AP3B1: variants seen among roughly 807,000 people sequenced by gnomAD.
The protein encoded by AP3B1 is adaptor related protein complex 3 subunit beta 1.
AP3B1 carries 61 observed loss-of-function variants against 132.5 expected under a neutral mutation model. That is an observed-to-expected ratio of 0.46 (90% CI 0.37 to 0.57). The LOEUF is 0.57. Among genes scored for constraint, AP3B1 ranks in the 20% least tolerant of loss-of-function variants. AP3B1 has a pLI of 0.00. For missense variants in AP3B1, 1,120 were observed against 1,289.4 expected, an observed-to-expected ratio of 0.87 and a Z score of 2.01; for synonymous variants, 388 against 438.3, an observed-to-expected ratio of 0.89 and a Z score of 1.43.
intron 11 of AP3B1, among the ~76,000 whole-genome samples, chr5:78,174,445 G>A (rs111291820): frequency 0.014 from 2,191 of 152,222 alleles, 58 homozygotes; most frequent in African/African-American, 0.05. Context: ...AGTCAGGTTC[G>A]TCAGCTGCAG....
At chr5:78,046,346 C>T (rs1414372371) in intron 22 of AP3B1, among the ~76,000 whole-genome samples, 3 of 152,162 alleles carry the variant, frequency 2.0e-5, no homozygotes, top group Non-Finnish European at 4.4e-5. Flanking sequence ...GGCAGCACGC[C>T]CCTTATGAGC....
chr5:78,179,466 C>T (rs1391712568), intron 8 of AP3B1, among the ~76,000 whole-genome samples: 1 of 152,118 alleles, frequency 6.6e-6, no homozygotes, highest in African/African-American at 2.4e-5. Context: ...CGCTTTGATA[C>T]CCAGATTTGA....
chr5:78,244,021 T>C (rs1419114215), intron 2 of AP3B1, among the ~76,000 whole-genome samples: 1 of 152,204 alleles, frequency 6.6e-6, no homozygotes, highest in African/African-American at 2.4e-5. Flanking sequence ...ACAGCAATTA[T>C]GCAGAGGAAA....
At chr5:78,195,578 G>A (rs960210282) in intron 7 of AP3B1, among the ~76,000 whole-genome samples, 25 of 152,194 alleles carry the variant, frequency 1.6e-4, no homozygotes, top group Non-Finnish European at 2.9e-5. Context: ...CCAGAACTTT[G>A]GGAAGCTGAG....
intron 7 of AP3B1, among the ~76,000 whole-genome samples, chr5:78,192,934 C>T (rs1455986127): frequency 6.6e-6 from 1 of 152,310 alleles, no homozygotes; most frequent in East Asian, 1.9e-4. Flanking sequence ...TGTTGTTTAA[C>T]TCATCCAATC....
intron 2 of AP3B1, among the ~76,000 whole-genome samples, chr5:78,256,708 C>T (rs947310900): frequency 5.3e-5 from 8 of 152,014 alleles, no homozygotes; most frequent in African/African-American, 1.9e-4. Flanking sequence ...GACAAAGACA[C>T]ATCAAGGAAA....
chr5:78,071,718 G>A (rs918979313), intron 22 of AP3B1, among the ~76,000 whole-genome samples: 1 of 151,978 alleles, frequency 6.6e-6, no homozygotes, highest in African/African-American at 2.4e-5. Flanking sequence ...ATTAAGCACT[G>A]GGAATAAAAA....
At chr5:78,179,499 C>T (rs1019084415) in intron 8 of AP3B1, among the ~76,000 whole-genome samples, 2 of 152,084 alleles carry the variant, frequency 1.3e-5, no homozygotes, top group East Asian at 1.9e-4. Context: ...AATTTGTAAA[C>T]GCCATGAAAA....
At chr5:78,119,348 T>C (rs966842176) in intron 17 of AP3B1, among the ~76,000 whole-genome samples, 1 of 152,134 alleles carries the variant, frequency 6.6e-6, no homozygotes, top group African/African-American at 2.4e-5. Flanking sequence ...GAGAATGACG[T>C]TGACGAGCTG....
At chr5:78,168,234 T>A (rs1046047964) in intron 11 of AP3B1, among the ~76,000 whole-genome samples, 22 of 138,358 alleles carry the variant, frequency 1.6e-4, no homozygotes, top group African/African-American at 5.8e-4. Context: ...TTCTTTTTTT[T>A]TTTTTTTGAG....
At chr5:78,159,255 A>G (rs1207239479) in intron 13 of AP3B1, among the ~76,000 whole-genome samples, 1 of 152,228 alleles carries the variant, frequency 6.6e-6, no homozygotes, top group East Asian at 1.9e-4. Context: ...ATTATCTACA[A>G]GCAGACGCAG....
intron 22 of AP3B1, among the ~76,000 whole-genome samples, chr5:78,080,807 G>C (rs1749966389): frequency 6.6e-6 from 1 of 151,930 alleles, no homozygotes; most frequent in Admixed American, 6.6e-5. Flanking sequence ...ATTTAAACTA[G>C]GTTAATACAA....
intron 7 of AP3B1, among the ~76,000 whole-genome samples, chr5:78,193,766 A>AT (rs1379149753): frequency 7.1e-5 from 7 of 98,324 alleles, no homozygotes; most frequent in African/African-American, 2.7e-4. Flanking sequence ...ATATATATAT[A>AT]TATATTTTTT....
rs1420614662 is a variant in AP3B1 at position 78,086,853 on chromosome 5, T to TC, written c.2577+2539_2577+2540insG. Among the ~76,000 whole-genome samples the TC allele has an allele frequency of 8.5e-5, 13 of 152,310 alleles. No homozygotes were observed. In the East Asian group the frequency reaches 2.5e-3, roughly 29 times the overall value. ...TCATATAAAATACGAAGTTTTTTTT[T>TC]TCTTTGGCAAGATTTTAACAGGCTC... On this transcript the variant is annotated intron_variant, in intron 22 of 26. Coordinates refer to ENST00000255194, the MANE Select transcript of AP3B1 (RefSeq NM_003664.5).
intron 22 of AP3B1, among the ~76,000 whole-genome samples, chr5:78,078,407 CA>C (rs1408899831): frequency 6.6e-6 from 1 of 152,210 alleles, no homozygotes; most frequent in Non-Finnish European, 1.5e-5. Flanking sequence ...CTAAAATCTT[CA>C]GAACTCCTTT....
chr5:78,266,690 T>C (rs1748336216), intron 2 of AP3B1, among the ~76,000 whole-genome samples: 3 of 152,096 alleles, frequency 2.0e-5, no homozygotes, highest in Admixed American at 2.0e-4. Flanking sequence ...GCAATGGTGG[T>C]GATAAAAAGG....
chr5:78,021,417 C>T (rs1416977348), intron 24 of AP3B1, among the ~76,000 whole-genome samples: 1 of 152,008 alleles, frequency 6.6e-6, no homozygotes, highest in Non-Finnish European at 1.5e-5. Context: ...GAAAGCCAAC[C>T]TTGTTTGTTC....
intron 2 of AP3B1, among the ~76,000 whole-genome samples, chr5:78,263,223 C>G (rs1748171292): frequency 6.6e-6 from 1 of 152,040 alleles, no homozygotes; most frequent in Admixed American, 6.6e-5. Flanking sequence ...TCTTTCATCT[C>G]CTTGGTTAAG....
At chr5:78,053,617 T>C (rs1422782210) in intron 22 of AP3B1, among the ~76,000 whole-genome samples, 3 of 148,048 alleles carry the variant, frequency 2.0e-5, no homozygotes, top group African/African-American at 7.5e-5. Context: ...GAGGCGGAGG[T>C]TACAGTGAGC....
Sources: gnomAD v4.1 joint callset for allele counts (sites outside exome capture counted in the v4.1 genomes callset) on GRCh38, gnomAD v4.1.1 for gene constraint, MANE v1.5 for transcripts, NCBI Gene and HGNC (gene_info 2026-07-23, HGNC 2026-07-21) for gene names.